The following ANKAR variants were observed in gnomAD, a reference collection of about 807,000 sequenced individuals.
ANKAR encodes ankyrin and armadillo repeat-containing protein.
Under a neutral mutation model 146.2 loss-of-function variants are expected in ANKAR, and 136 were observed. That is an observed-to-expected ratio of 0.93 (90% CI 0.81 to 1.07). The LOEUF is 1.07. Among genes scored for constraint, ANKAR ranks in the 50% least tolerant of loss-of-function variants. The pLI, the probability that ANKAR is intolerant of heterozygous loss-of-function variation, is 0.00. For missense variants in ANKAR, 1,567 were observed against 1,679.9 expected, an observed-to-expected ratio of 0.93 and a Z score of 1.18; for synonymous variants, 500 against 575.8, an observed-to-expected ratio of 0.87 and a Z score of 1.88.
Position 189,696,201 on chromosome 2 carries a change from T to G in ANKAR, c.1540T>G (p.Phe514Val), listed in dbSNP as rs1256208964. 1 of 1,614,086 alleles carries G rather than the reference T, an allele frequency of 6.2e-7. No individual in the cohort carries two copies. Among genetic ancestry groups the G allele is most frequent in the South Asian group, 1.1e-5 (1 of 91,078 alleles). The change falls in exon 7 of 23, where the codon TTC (phenylalanine) becomes GTC (valine). Residue 514 changes from phenylalanine to valine, a missense_variant. Physicochemically the swap from Phe to Val is conservative, Grantham distance 50. Coordinates refer to ENST00000684021, the MANE Select transcript of ANKAR (RefSeq NM_001378068.1). ...TGTTGAAAGAGGGTTGTCTGCAGTT[T>G]TCCACACATTTAGCCGTAAAACCTC... ...SAVERGLSAV[F>V]HTFSRKTSSS...
At chr2:189,736,824 G>C (rs1308035882) in intron 17 of ANKAR, among the ~76,000 whole-genome samples, 6 of 152,022 alleles carry the variant, frequency 3.9e-5, no homozygotes, top group Admixed American at 3.9e-4. Flanking sequence ...TGTAATCCCA[G>C]CACTTTGGGA....
chr2:189,722,249 G>T (rs2041344920), intron 12 of ANKAR, among the ~76,000 whole-genome samples: 1 of 150,612 alleles, frequency 6.6e-6, no homozygotes, highest in Non-Finnish European at 1.5e-5. Flanking sequence ...TGAGGCAGGA[G>T]AATTGCCTGA....
downstream of ANKAR, among the ~76,000 whole-genome samples, chr2:189,747,936 T>A (rs1484944370): frequency 6.6e-6 from 1 of 152,160 alleles, no homozygotes; most frequent in Admixed American, 6.5e-5. Flanking sequence ...TCCGCCTACC[T>A]TGGCCTCCCA....
downstream of ANKAR, among the ~76,000 whole-genome samples, chr2:189,750,178 G>A (rs957667820): frequency 6.6e-6 from 1 of 152,012 alleles, no homozygotes; most frequent in Non-Finnish European, 1.5e-5. Flanking sequence ...TATAAAGTCA[G>A]GTTCTTGTTT....
rs2105909103 is a variant in ANKAR, at chr2:189,744,793, T to C, written c.4057+5T>C. 1.9e-6 allele frequency: 3 copies of C among 1,572,672 alleles called. No homozygotes were observed. The highest frequency in any genetic ancestry group is 2.6e-6 in the Non-Finnish European group (3 of 1,145,206). ...TAATTCCTATCTTTAAAAGAGGTAA[T>C]TGATTTTTCTTTTATCTATGAAGTA... is the stretch of plus-strand genomic sequence containing the variant. On this transcript the variant is annotated splice_donor_5th_base_variant and intron_variant, in intron 22 of 22. Coordinates refer to ENST00000684021, the MANE Select transcript of ANKAR (RefSeq NM_001378068.1).
chr2:189,701,657 G>A (rs1331461880), intron 7 of ANKAR, among the ~76,000 whole-genome samples: 1 of 152,128 alleles, frequency 6.6e-6, no homozygotes, highest in Non-Finnish European at 1.5e-5. Context: ...TCTGTAGCAT[G>A]TCATTTTGGT....
downstream of ANKAR, chr2:189,761,569 T>A (rs200436466): frequency 4.3e-6 from 7 of 1,610,644 alleles, no homozygotes; most frequent in African/African-American, 9.3e-5. Flanking sequence ...AATTAAAACT[T>A]CTTAAAAATT....
At chr2:189,750,449 TAGA>T (rs1574841866), downstream of ANKAR, 80 of 290,322 alleles carry the variant, frequency 2.8e-4, 1 homozygote, top group South Asian at 2.0e-3. Flanking sequence ...AAACATCAAA[TAGA>T]AAAAAAAAAA....
At position 189,685,378 on chromosome 2, in the gene ANKAR, A is replaced by G. The variant is rs2035423605; in HGVS notation, c.602-4149A>G. ...ATTCAGTTCCAGTCTTTCAAAGGGA[A>G]ATATTGAATTCTTCTTGATAAAAAA... On this transcript the variant is annotated intron_variant, in intron 2 of 22. Coordinates refer to ENST00000684021, the MANE Select transcript of ANKAR (RefSeq NM_001378068.1). Among the ~76,000 whole-genome samples the G allele has an allele frequency of 2.0e-5, 3 of 151,994 alleles. No individual in the cohort carries two copies. The South Asian group carries it at 6.2e-4, about 32-fold the overall frequency.
At chr2:189,752,136 TA>T (rs1448821680) in intron 18 of ANKAR, among the ~76,000 whole-genome samples, 72 of 139,364 alleles carry the variant, frequency 5.2e-4, no homozygotes, top group Admixed American at 5.7e-4. Context: ...ACTAAGACTC[TA>T]AAAAAAAAAA....
At chr2:189,700,706 A>G (rs2037941276) in intron 7 of ANKAR, among the ~76,000 whole-genome samples, 1 of 152,198 alleles carries the variant, frequency 6.6e-6, no homozygotes. Context: ...GCCTCTGGTA[A>G]CCATCATTAT....
intron 3 of ANKAR, 70 bp downstream of exon 3, chr2:189,690,034 G>C (rs2036158209): frequency 1.7e-6 from 2 of 1,176,268 alleles, no homozygotes; most frequent in African/African-American, 3.2e-5. Context: ...ATGCAATTTT[G>C]TTTCTAGTAT....
At chr2:189,680,060 G>A (rs2034411926) in intron 2 of ANKAR, among the ~76,000 whole-genome samples, 1 of 152,158 alleles carries the variant, frequency 6.6e-6, no homozygotes, top group African/African-American at 2.4e-5. Flanking sequence ...GAATGCAGCT[G>A]TGAATCCATC....
chr2:189,693,121 A>C lies in ANKAR; in HGVS notation c.1251A>C (p.Glu417Asp), dbSNP rs757202504. 6.4e-7 allele frequency: 1 copy of C among 1,560,758 alleles called. No individual in the cohort carries two copies. The highest frequency in any genetic ancestry group is 1.2e-5 in the South Asian group (1 of 84,464). The stretch of plus-strand genomic sequence containing the variant: ...ATTGTGCTGCTAATACATTTATAGA[A>C]GATTCAGGATATAAAGAATATTACT... ...IRDCAANTFI[E>D]DSGYKEYYSI... The change falls in exon 5 of 23, where the codon GAA (glutamate) becomes GAC (aspartate). Residue 417 changes from glutamate to aspartate, a missense_variant. Glu to Asp is a conservative substitution (Grantham distance 45, BLOSUM62 2). Coordinates refer to ENST00000684021, the MANE Select transcript of ANKAR (RefSeq NM_001378068.1).
Position 189,693,181 on chromosome 2 carries a change from C to A in ANKAR, c.1307+4C>A, listed in dbSNP as rs768951097. 1 of 1,524,832 alleles carries A rather than the reference C, an allele frequency of 6.6e-7. No individual in the cohort carries two copies. The highest frequency in any genetic ancestry group is 8.9e-7 in the Non-Finnish European group (1 of 1,120,664). The allele number at this position is 1,524,832 out of a possible 1,614,324, so 94.5% of individuals were successfully genotyped here. ...TCATGGAATTTCATGGAAAAAGGTA[C>A]GGAGCTTTCACTAATTACTGACATT... On this transcript the variant is annotated splice_donor_region_variant and intron_variant, in intron 5 of 22. Coordinates refer to ENST00000684021, the MANE Select transcript of ANKAR (RefSeq NM_001378068.1).
At chr2:189,738,276 C>T (rs1466322807) in intron 18 of ANKAR, among the ~76,000 whole-genome samples, 1 of 152,050 alleles carries the variant, frequency 6.6e-6, no homozygotes, top group African/African-American at 2.4e-5. Flanking sequence ...ATTTTCTATC[C>T]TGTGCCCTTT....
downstream of ANKAR, chr2:189,763,047 A>T (rs1467407164): frequency 7.2e-6 from 7 of 968,348 alleles, no homozygotes; most frequent in African/African-American, 1.8e-5. Flanking sequence ...TTAAAAAGAA[A>T]TTTTTTTTTT....
In ANKAR at chr2:189,722,338, C is replaced by CAA. The variant is rs10687526; in HGVS notation, c.2635+1561_2635+1562dup. On this transcript the variant is annotated intron_variant, in intron 12 of 22. Transcript: ENST00000684021. ...TGGGCAACAGAGCGAGACTCCATCT[C>CAA]AAAAAAAAAAAGGAAAAAAGAATAG... Among the ~76,000 whole-genome samples the CAA allele has an allele frequency of 5.5e-5, 7 of 128,440 alleles. 2 individuals carry two copies. The highest frequency in any genetic ancestry group is 1.1e-4 in the Non-Finnish European group (7 of 62,550). 84.3% of individuals were successfully genotyped at this position (128,440 alleles called of 152,430 possible). A position where few individuals can be genotyped will look rare whatever the true frequency, so the allele number is the denominator to read the frequency against.
intron 12 of ANKAR, among the ~76,000 whole-genome samples, chr2:189,722,842 A>T (rs112598119): frequency 6.6e-6 from 1 of 151,700 alleles, no homozygotes; most frequent in African/African-American, 2.4e-5. Flanking sequence ...AGATCATGCC[A>T]CTGCACTCCA....
Sources: gnomAD v4.1 joint callset for allele counts (sites outside exome capture counted in the v4.1 genomes callset) on GRCh38, gnomAD v4.1.1 for gene constraint, MANE v1.5 for transcripts, NCBI Gene and HGNC (gene_info 2026-07-23, HGNC 2026-07-21) for gene names.